The following CNOT1 variants were observed in gnomAD, a reference collection of about 807,000 sequenced individuals.
CNOT1 encodes CCR4-associated factor 1.
In CNOT1, 15 loss-of-function variants were observed where a neutral mutation model predicts 273.8. The ratio of observed to expected loss-of-function variants is 0.05; its 90% confidence interval spans 0.04 to 0.08. The LOEUF (loss-of-function observed/expected upper bound fraction) is 0.08, where lower values mean the gene tolerates loss of function less well. Among genes scored for constraint, CNOT1 ranks in the 10% least tolerant of loss-of-function variants. The pLI is 1.00. For missense variants in CNOT1, 1,644 were observed against 2,912.2 expected (o/e 0.56, Z 10.02); for synonymous variants, 1,022 against 1,005.5 (o/e 1.02, Z -0.31).
intron 42 of CNOT1, among the ~76,000 whole-genome samples, chr16:58,531,407 T>C (rs553577347): frequency 6.6e-6 from 1 of 152,356 alleles, no homozygotes; most frequent in East Asian, 1.9e-4. Flanking sequence ...GTATTACCAA[T>C]TAGATAATGA....
In CNOT1 at chr16:58,537,953, C is replaced by A. The variant is rs753518972; in HGVS notation, c.5352G>T (p.Leu1784=). Residue 1784 remains leucine (L), a synonymous_variant, in exon 38 of 49, where the codon CTG becomes CTT. Coordinates refer to ENST00000317147, the MANE Select transcript of CNOT1 (RefSeq NM_016284.5). ...RSVAHVTEAD[L]FHTIETLMRI... ...TCATGAGGGTTTCAATGGTGTGGAA[C>A]AGATCTGCCTCAGTAACATGAGCAA... The A allele has an allele frequency of 4.3e-6, 7 of 1,614,026 alleles. No individual in the cohort carries two copies. In the African/African-American group the frequency reaches 8.0e-5, roughly 18 times the overall value.
At chr16:58,580,904 A>C in intron 11 of CNOT1, 144 bp from the exon 12 acceptor site, 1 of 819,106 alleles carries the variant, frequency 1.2e-6, no homozygotes, top group South Asian at 2.1e-5. Context: ...CCCTTTGAAA[A>C]CCACACATAA....
At chr16:58,584,411 A>G (rs1353670095) in intron 8 of CNOT1, among the ~76,000 whole-genome samples, 2 of 151,650 alleles carry the variant, frequency 1.3e-5, no homozygotes, top group East Asian at 4.0e-4. Context: ...GCTCACTGCA[A>G]TCTCCACCTC....
intron 41 of CNOT1, 73 bp from the exon 42 acceptor site, chr16:58,532,148 C>T: frequency 6.2e-7 from 1 of 1,606,324 alleles, no homozygotes; most frequent in South Asian, 1.1e-5. Flanking sequence ...AATGTAGGCT[C>T]AAAATGCTCA....
chr16:58,626,587 C>T (rs917902063), intron 1 of CNOT1, among the ~76,000 whole-genome samples: 4 of 151,702 alleles, frequency 2.6e-5, no homozygotes, highest in African/African-American at 7.3e-5. Flanking sequence ...TAGTGAAACC[C>T]CGTCTCTACC....
At chr16:58,594,537 C>T (rs1229586713) in intron 2 of CNOT1, among the ~76,000 whole-genome samples, 1 of 152,036 alleles carries the variant, frequency 6.6e-6, no homozygotes, top group East Asian at 1.9e-4. Flanking sequence ...GGCGTGGGGG[C>T]TCACGTCTGT....
chr16:58,591,231 T>C (rs1304394130), intron 2 of CNOT1, among the ~76,000 whole-genome samples: 5 of 152,160 alleles, frequency 3.3e-5, no homozygotes, highest in Non-Finnish European at 7.3e-5. Context: ...ATACACTGAC[T>C]TGTCTGAGAC....
At chr16:58,532,445 A>C (rs1364541398) in intron 40 of CNOT1, 50 bp from the exon 41 acceptor site, 1 of 1,587,272 alleles carries the variant, frequency 6.3e-7, no homozygotes, top group Non-Finnish European at 8.6e-7. Context: ...TAATCCACTC[A>C]CCACTTCGAT....
At chr16:58,597,799 A>T in intron 2 of CNOT1, 1 of 466,080 alleles carries the variant, frequency 2.1e-6, no homozygotes. Context: ...GGATACTCCA[A>T]GGCCAAAAGA....
In CNOT1 at chr16:58,547,811, G is replaced by T. The variant is rs1277762527; in HGVS notation, c.3523-129C>A. 1.2e-6 allele frequency: 1 copy of T among 804,522 alleles called. No individual in the cohort carries two copies. The highest frequency in any genetic ancestry group is 1.9e-6 in the Non-Finnish European group (1 of 534,160). 49.8% of individuals were successfully genotyped at this position (804,522 alleles called of 1,614,324 possible). On this transcript the variant is annotated intron_variant, in intron 25 of 48. Transcript: ENST00000317147. The surrounding 1 kb of genome is among the most constrained non-coding windows in gnomAD (Gnocchi z 4.0). ...ATTTCTAAGAACAGGCCCCAAAGTA[G>T]AATTACTCTGTATATCATTCTCAAT...
intron 16 of CNOT1, among the ~76,000 whole-genome samples, chr16:58,563,996 C>G (rs989306218): frequency 6.6e-6 from 1 of 152,068 alleles, no homozygotes; most frequent in Non-Finnish European, 1.5e-5. Context: ...GACTACAGTA[C>G]AGAACAGCCA....
intron 6 of CNOT1, 105 bp downstream of exon 6, chr16:58,587,096 T>G (rs1381713563): frequency 8.3e-6 from 12 of 1,438,024 alleles, no homozygotes; most frequent in Non-Finnish European, 9.4e-7. Context: ...GAGAAATTAA[T>G]TTCAGATTAT....
At chr16:58,629,120 T>C (rs1211901636) in intron 1 of CNOT1, among the ~76,000 whole-genome samples, 3 of 152,226 alleles carry the variant, frequency 2.0e-5, no homozygotes, top group Non-Finnish European at 4.4e-5. Context: ...AATAAGGAAG[T>C]GCTTGCTCCC....
In CNOT1 at chr16:58,520,891, AG is replaced by A. The variant is rs1299067478; in HGVS notation, c.*66del. On this transcript the variant is annotated 3_prime_UTR_variant, in exon 49 of 49. Coordinates refer to ENST00000317147, the MANE Select transcript of CNOT1 (RefSeq NM_016284.5). Reference sequence around the variant, plus strand: ...TCAGGAAGAGCTGAAAGGATTCTTCAGTCAGTTTATGAACTCGGTGCAGTGA... The same window carrying A: ...TCAGGAAGAGCTGAAAGGATTCTTCATCAGTTTATGAACTCGGTGCAGTGA... 18 of 1,493,378 alleles carry A rather than the reference AG, an allele frequency of 1.2e-5. No homozygotes were observed. In the Middle Eastern group the frequency reaches 5.1e-4, roughly 42 times the overall value. 92.5% of individuals were successfully genotyped at this position (1,493,378 alleles called of 1,614,324 possible). A position where few individuals can be genotyped will look rare whatever the true frequency, so the allele number is the denominator to read the frequency against.
intron 30 of CNOT1, among the ~76,000 whole-genome samples, chr16:58,544,399 G>A (rs565547630): frequency 2.6e-5 from 4 of 151,834 alleles, no homozygotes; most frequent in Non-Finnish European, 5.9e-5. Flanking sequence ...TTTATTGCAG[G>A]TGTAAATTAT....
At chr16:58,625,601 T>C (rs2043537600) in intron 1 of CNOT1, among the ~76,000 whole-genome samples, 1 of 151,902 alleles carries the variant, frequency 6.6e-6, no homozygotes, top group Non-Finnish European at 1.5e-5. Context: ...GGAGAATCAC[T>C]TGAACCCGGG....
At chr16:58,583,328 T>C (rs756375149) in intron 8 of CNOT1, 146 bp from the exon 9 acceptor site, 43 of 1,440,424 alleles carry the variant, frequency 3.0e-5, no homozygotes, top group Non-Finnish European at 3.7e-5. Context: ...TTGTTACATT[T>C]ATACAGCTAG....
intron 16 of CNOT1, among the ~76,000 whole-genome samples, chr16:58,562,533 C>G (rs965603617): frequency 1.4e-5 from 2 of 147,210 alleles, no homozygotes; most frequent in African/African-American, 5.0e-5. Context: ...AAAAAAGCGG[C>G]GGGGGGGCGG....
In CNOT1 at chr16:58,545,474, C is replaced by G; in HGVS notation, c.4024G>C (p.Ala1342Pro). The G allele has an allele frequency of 6.2e-7, 1 of 1,613,930 alleles. No homozygotes were observed. Among genetic ancestry groups the G allele is most frequent in the Non-Finnish European group, 8.5e-7 (1 of 1,179,908 alleles). ...GTGGCTGTACAAGTGGTGTTGGTAGCTGGTGTAGTAGAAGTTGCTAAATGT... is the reference window on the plus strand; with the variant it reads ...GTGGCTGTACAAGTGGTGTTGGTAGGTGGTGTAGTAGAAGTTGCTAAATGT... ...ITTTTTSTTP[A>P]TNTTCTATVP... Residue 1342 changes from alanine to proline, a missense_variant, in exon 30 of 49, where the codon GCT (alanine) becomes CCT (proline). Ala to Pro is a conservative substitution (Grantham distance 27). This residue lies in a region of CNOT1 where 52 missense variants were observed against 50.2 expected (regional missense o/e 1.04). Coordinates refer to ENST00000317147, the MANE Select transcript of CNOT1 (RefSeq NM_016284.5).
Sources: allele counts gnomAD v4.1 joint callset (sites outside exome capture counted in the v4.1 genomes callset), GRCh38; gene constraint gnomAD v4.1.1; regional missense constraint gnomAD v4.1.1; non-coding constraint Gnocchi (gnomAD v3.1); transcripts MANE v1.5; gene names NCBI Gene and HGNC (gene_info 2026-07-23, HGNC 2026-07-21).